Variants in NRG3 observed in about 807,000 individuals in gnomAD.
NRG3 encodes the protein neuregulin 3.
A neutral mutation model predicts 66.9 loss-of-function variants in NRG3; 31 were observed. The ratio of observed to expected loss-of-function variants is 0.46; its 90% CI spans 0.35 to 0.63. NRG3 has a LOEUF of 0.63. Among genes scored for constraint, NRG3 ranks in the 20% least tolerant of loss-of-function variants. The pLI, the probability that NRG3 is intolerant of heterozygous loss-of-function variation, is 0.00. For synonymous variants in NRG3, 393 were observed against 359.4 expected (o/e 1.09, Z -1.06); for missense variants, 910 against 878.9 (o/e 1.04, Z -0.45).
At chr10:81,901,610 A>G (rs1316175090) in intron 1 of NRG3, among the ~76,000 whole-genome samples, 1 of 152,168 alleles carries the variant, frequency 6.6e-6, no homozygotes, top group East Asian at 1.9e-4. Flanking sequence ...TTGAGGCTAC[A>G]GTGATACCGA....
At chr10:82,270,869 A>G (rs537103669) in intron 1 of NRG3, among the ~76,000 whole-genome samples, 158 of 152,242 alleles carry the variant, frequency 1.0e-3, no homozygotes, top group Non-Finnish European at 1.7e-3. Flanking sequence ...TGGATGCCCA[A>G]TGCATTTTGG....
intron 2 of NRG3, among the ~76,000 whole-genome samples, chr10:82,563,863 A>T (rs576545862): frequency 1.3e-5 from 2 of 152,218 alleles, no homozygotes; most frequent in South Asian, 4.1e-4. Context: ...ATGTTTCAAC[A>T]ATTTCAATAT....
At chr10:82,347,385 C>G (rs1305494025) in intron 1 of NRG3, among the ~76,000 whole-genome samples, 3 of 152,076 alleles carry the variant, frequency 2.0e-5, no homozygotes, top group Non-Finnish European at 2.9e-5. Context: ...TTTTGAGTGA[C>G]ATTCTTAATC....
chr10:82,132,766 A>T (rs1368622054), intron 1 of NRG3, among the ~76,000 whole-genome samples: 1 of 151,186 alleles, frequency 6.6e-6, no homozygotes, highest in Admixed American at 6.6e-5. Context: ...TTATTCGTCT[A>T]TTCAGGTTTT....
chr10:82,423,686 T>C (rs2089231202), intron 2 of NRG3, among the ~76,000 whole-genome samples: 1 of 152,028 alleles, frequency 6.6e-6, no homozygotes, highest in African/African-American at 2.4e-5. Context: ...GTAATCCCCC[T>C]TTTAAAGTGG....
intron 5 of NRG3, among the ~76,000 whole-genome samples, chr10:82,953,958 A>AG (rs1165331643): frequency 2.4e-4 from 2 of 8,216 alleles, no homozygotes; most frequent in Non-Finnish European, 1.7e-3. Flanking sequence ...ATTCAGTCTC[A>AG]AAAAAAAAAA....
intron 1 of NRG3, among the ~76,000 whole-genome samples, chr10:82,306,652 C>T (rs1292710328): frequency 1.6e-5 from 2 of 128,026 alleles, no homozygotes; most frequent in Non-Finnish European, 3.1e-5. Context: ...TTCAGTGAGC[C>T]GAGATCGCGC....
chr10:82,020,453 T>G (rs2062009305), intron 1 of NRG3, among the ~76,000 whole-genome samples: 2 of 152,050 alleles, frequency 1.3e-5, no homozygotes, highest in Admixed American at 6.6e-5. Flanking sequence ...AGGGATAGAA[T>G]AGGGGAGTTA....
intron 2 of NRG3, among the ~76,000 whole-genome samples, chr10:82,479,119 G>A (rs1842021372): frequency 2.0e-5 from 3 of 152,196 alleles, no homozygotes; most frequent in South Asian, 2.1e-4. Flanking sequence ...AGGAGGTGAT[G>A]TGACAGTGGA....
chr10:82,961,413 A>G (rs918735072), intron 6 of NRG3, among the ~76,000 whole-genome samples: 3 of 152,244 alleles, frequency 2.0e-5, no homozygotes, highest in African/African-American at 7.2e-5. Flanking sequence ...TGTCTCATTT[A>G]GTTCTAACAA....
At chr10:82,064,398 A>G (rs2133263482) in intron 1 of NRG3, among the ~76,000 whole-genome samples, 1 of 151,918 alleles carries the variant, frequency 6.6e-6, no homozygotes, top group East Asian at 1.9e-4. Flanking sequence ...TTATAAAACA[A>G]TAAAAATCCC....
chr10:81,876,189 T>C (rs1841623302), intron 1 of NRG3, 26 bp downstream of exon 1: 2 of 1,549,174 alleles, frequency 1.3e-6, no homozygotes, highest in Non-Finnish European at 1.7e-6. Context: ...GTCTCAACTA[T>C]GATTTACTAC....
chr10:82,136,652 G>A (rs2069377935), intron 1 of NRG3, among the ~76,000 whole-genome samples: 1 of 152,048 alleles, frequency 6.6e-6, no homozygotes, highest in Admixed American at 6.6e-5. Context: ...CTGTATGCGG[G>A]TCTCACCCAA....
chr10:82,529,356 A>G (rs1053764135), intron 2 of NRG3, among the ~76,000 whole-genome samples: 1 of 152,124 alleles, frequency 6.6e-6, no homozygotes, highest in Non-Finnish European at 1.5e-5. Flanking sequence ...CTGGGAGAGG[A>G]GTTAGAGTAA....
chr10:82,355,184 T>A (rs1331193554), intron 1 of NRG3, among the ~76,000 whole-genome samples: 1 of 152,192 alleles, frequency 6.6e-6, no homozygotes, highest in Non-Finnish European at 1.5e-5. Context: ...AGTTTTTGAT[T>A]ACTAAGATAC....
At chr10:82,007,120 C>A (rs2061401586) in intron 1 of NRG3, among the ~76,000 whole-genome samples, 1 of 151,798 alleles carries the variant, frequency 6.6e-6, no homozygotes, top group South Asian at 2.1e-4. Flanking sequence ...AAAAGTCTTA[C>A]CTACATGTTT....
chr10:82,962,531 G>A (rs1850759223), intron 6 of NRG3, among the ~76,000 whole-genome samples: 1 of 152,088 alleles, frequency 6.6e-6, no homozygotes, highest in African/African-American at 2.4e-5. Context: ...GCATGCTAAA[G>A]AGGAATAATA....
At chr10:82,212,979 T>G (rs568843633) in intron 1 of NRG3, among the ~76,000 whole-genome samples, 1 of 152,278 alleles carries the variant, frequency 6.6e-6, no homozygotes, top group East Asian at 1.9e-4. Context: ...ACTGGTGGAT[T>G]TCTATGGTCT....
At chr10:82,118,610 A>C (rs759043482) in intron 1 of NRG3, among the ~76,000 whole-genome samples, 12 of 152,180 alleles carry the variant, frequency 7.9e-5, no homozygotes, top group Admixed American at 2.6e-4. Flanking sequence ...GTATAAAGAA[A>C]GTGAGAGACT....
Sources: allele counts gnomAD v4.1 joint callset (sites outside exome capture counted in the v4.1 genomes callset), GRCh38; gene constraint gnomAD v4.1.1; transcripts MANE v1.5; gene names NCBI Gene and HGNC (gene_info 2026-07-23, HGNC 2026-07-21).